C10orf90: variants seen among roughly 807,000 people sequenced by gnomAD.
The protein encoded by C10orf90 is (E2-independent) E3 ubiquitin-conjugating enzyme FATS.
In C10orf90, 56 loss-of-function variants were observed where a neutral mutation model predicts 62.5. That is an observed-to-expected ratio of 0.90 (90% CI 0.72 to 1.12). The LOEUF (loss-of-function observed/expected upper bound fraction) is 1.12. Ranked by LOEUF, C10orf90 falls within the 50% of genes most tolerant of loss-of-function variation. The pLI, the probability that C10orf90 is intolerant of heterozygous loss-of-function variation, is 0.00. For synonymous variants in C10orf90, 386 were observed against 340.4 expected, an observed-to-expected ratio of 1.13 and a Z score of -1.47; for missense variants, 970 against 880.4, an observed-to-expected ratio of 1.10 and a Z score of -1.29.
At chr10:126,518,611 G>T (rs937506194) in intron 2 of C10orf90, among the ~76,000 whole-genome samples, 2 of 152,034 alleles carry the variant, frequency 1.3e-5, no homozygotes, top group Admixed American at 1.3e-4. Flanking sequence ...TTAAAAACCA[G>T]CTCAATTAAC....
chr10:126,650,935 T>C (rs575367566), intron 1 of C10orf90, among the ~76,000 whole-genome samples: 3 of 152,290 alleles, frequency 2.0e-5, no homozygotes, highest in Non-Finnish European at 4.4e-5. Context: ...AGACCCACCC[T>C]GCAGAAATTC....
At chr10:126,667,135 T>C (rs1196948012) in intron 1 of C10orf90, among the ~76,000 whole-genome samples, 1 of 151,888 alleles carries the variant, frequency 6.6e-6, no homozygotes, top group Non-Finnish European at 1.5e-5. Flanking sequence ...CTCGGCTCAT[T>C]GCAAGCTCTG....
At chr10:126,465,741 T>A (rs1432005557) in intron 4 of C10orf90, among the ~76,000 whole-genome samples, 1 of 152,232 alleles carries the variant, frequency 6.6e-6, no homozygotes, top group Non-Finnish European at 1.5e-5. Flanking sequence ...AACCACCCTA[T>A]GTCCATTGAT....
chr10:126,438,212 C>T (rs573495459), intron 7 of C10orf90, among the ~76,000 whole-genome samples: 1 of 152,308 alleles, frequency 6.6e-6, no homozygotes, highest in African/African-American at 2.4e-5. Flanking sequence ...AGAGGAACCC[C>T]AGGACCCTCA....
chr10:126,585,798 A>T (rs1455241916), intron 2 of C10orf90, among the ~76,000 whole-genome samples: 4 of 152,196 alleles, frequency 2.6e-5, no homozygotes, highest in Non-Finnish European at 5.9e-5. Context: ...CTTATGCTAT[A>T]AACCACTGGT....
In C10orf90 at chr10:126,425,739, G is replaced by GA. The variant is rs144809692; in HGVS notation, c.*124dup. On this transcript the variant is annotated 3_prime_UTR_variant, in exon 10 of 10. Coordinates refer to ENST00000488181, the MANE Select transcript of C10orf90 (RefSeq NM_001350921.2). ...TCAGGAAGTGATGTTTTCCTTTATGGAAAAAAAAAATCGAAAGTAAAATAA... is the reference window on the plus strand; with the variant it reads ...TCAGGAAGTGATGTTTTCCTTTATGGAAAAAAAAAAATCGAAAGTAAAATAA... The GA allele has an allele frequency of 5.7e-3, 5,245 of 919,798 alleles. No individual in the cohort carries two copies. Among genetic ancestry groups the GA allele is most frequent in the Middle Eastern group, 7.6e-3 (21 of 2,752 alleles). 57.0% of individuals were successfully genotyped at this position (919,798 alleles called of 1,614,324 possible).
chr10:126,504,751 G>A lies in C10orf90; in HGVS notation c.740C>T (p.Pro247Leu). The A allele has an allele frequency of 1.3e-6, 2 of 1,591,990 alleles. No individual in the cohort carries two copies. Among genetic ancestry groups the A allele is most frequent in the South Asian group, 1.1e-5 (1 of 87,554 alleles). Residue 247 changes from proline to leucine, a missense_variant, in exon 4 of 10, where the codon CCA (proline) becomes CTA (leucine). Physicochemically the swap from Pro to Leu is moderately conservative, Grantham distance 98. Transcript: ENST00000488181. This position sits in a 1 kb window ranked among gnomAD's most constrained non-coding sequence, Gnocchi z 4.1. ...AGTCCCCCACACCAGGGCGCGGGCTGGGGGGCCCACGCGTCTGGCCGTGAT... is the reference window on the plus strand; with the variant it reads ...AGTCCCCCACACCAGGGCGCGGGCTAGGGGGCCCACGCGTCTGGCCGTGAT... Reference protein sequence around the residue: ...ITITARRVGPPARALVWGTAG... With the variant: ...ITITARRVGPLARALVWGTAG...
At chr10:126,514,494 G>T (rs964493134) in intron 2 of C10orf90, among the ~76,000 whole-genome samples, 1 of 152,212 alleles carries the variant, frequency 6.6e-6, no homozygotes, top group African/African-American at 2.4e-5. Flanking sequence ...CTGCCACAAA[G>T]ATAGCTAAGA....
At chr10:126,447,826 A>G (rs1858882851) in intron 7 of C10orf90, among the ~76,000 whole-genome samples, 1 of 108,480 alleles carries the variant, frequency 9.2e-6, no homozygotes, top group African/African-American at 3.8e-5. Flanking sequence ...AATCATATCA[A>G]GTATCTTTTC....
At chr10:126,543,985 C>T (rs779240489) in intron 2 of C10orf90, among the ~76,000 whole-genome samples, 17 of 152,264 alleles carry the variant, frequency 1.1e-4, no homozygotes, top group African/African-American at 3.9e-4. Context: ...GGCAAGCTGG[C>T]GAGCCCTGTG....
intron 7 of C10orf90, among the ~76,000 whole-genome samples, chr10:126,430,629 G>C (rs548003880): frequency 6.6e-6 from 1 of 152,174 alleles, no homozygotes; most frequent in Non-Finnish European, 1.5e-5. Context: ...AAATGCTCCT[G>C]GGGTGCTTGT....
chr10:126,651,727 G>T (rs561206211), intron 1 of C10orf90, among the ~76,000 whole-genome samples: 8 of 152,288 alleles, frequency 5.3e-5, no homozygotes, highest in Admixed American at 1.3e-4. Context: ...TGCCTGTCTG[G>T]ACATGTGCGT....
chr10:126,649,014 CTCTCTCTCTCTCTGTCTCTG>C lies in C10orf90; in HGVS notation c.241-2397_241-2378del, dbSNP rs1364366832. 3.8e-3 allele frequency among the ~76,000 whole-genome samples: 331 copies of C among 86,036 alleles called. 7 individuals carry two copies. The highest frequency in any genetic ancestry group is 0.012 in the African/African-American group (290 of 23,528). 56.4% of individuals were successfully genotyped at this position (86,036 alleles called of 152,430 possible). A position where few individuals can be genotyped will look rare whatever the true frequency, so the allele number is the denominator to read the frequency against. On this transcript the variant is annotated intron_variant, in intron 1 of 9. Coordinates refer to ENST00000488181, the MANE Select transcript of C10orf90 (RefSeq NM_001350921.2). ...CTTTGGTTTGGATCACAGATGATAT[CTCTCTCTCTCTCTGTCTCTG>C]TCTCTCTCTCTCTCTCTCTCTCTCT...
intron 2 of C10orf90, among the ~76,000 whole-genome samples, chr10:126,585,132 A>G (rs536247540): frequency 6.6e-6 from 1 of 152,082 alleles, no homozygotes; most frequent in Admixed American, 6.6e-5. Flanking sequence ...CATAGCAAAG[A>G]TAATAAAAGT....
intron 2 of C10orf90, among the ~76,000 whole-genome samples, chr10:126,634,623 G>A (rs1053133648): frequency 2.0e-5 from 3 of 152,134 alleles, no homozygotes; most frequent in Non-Finnish European, 4.4e-5. Context: ...TAAATCTCAT[G>A]TTAAGTATCC....
intron 3 of C10orf90, among the ~76,000 whole-genome samples, chr10:126,507,719 C>T (rs1387813981): frequency 6.6e-6 from 1 of 152,092 alleles, no homozygotes; most frequent in African/African-American, 2.4e-5. Flanking sequence ...AACTCTAATG[C>T]CCAGGCCTCA....
chr10:126,615,421 C>A (rs1051599718), intron 2 of C10orf90, among the ~76,000 whole-genome samples: 1 of 152,146 alleles, frequency 6.6e-6, no homozygotes, highest in Non-Finnish European at 1.5e-5. Context: ...GAATAGGTAT[C>A]TTACACCAAG....
chr10:126,476,834 C>T (rs768904623), intron 4 of C10orf90, among the ~76,000 whole-genome samples: 2 of 151,810 alleles, frequency 1.3e-5, no homozygotes, highest in African/African-American at 4.8e-5. Flanking sequence ...AATATTTGTA[C>T]CTAGGAAAAG....
At chr10:126,434,961 AACGACT>A (rs1857824680) in intron 7 of C10orf90, among the ~76,000 whole-genome samples, 2 of 152,332 alleles carry the variant, frequency 1.3e-5, no homozygotes, top group Admixed American at 6.5e-5. Context: ...AAGGTGAGTT[AACGACT>A]CATAGGTGGT....
Sources: allele counts gnomAD v4.1 joint callset (sites outside exome capture counted in the v4.1 genomes callset), GRCh38; gene constraint gnomAD v4.1.1; non-coding constraint Gnocchi (gnomAD v3.1); transcripts MANE v1.5; gene names NCBI Gene and HGNC (gene_info 2026-07-23, HGNC 2026-07-21).